The following DAP variants were observed in gnomAD, a reference collection of about 807,000 sequenced individuals.
DAP encodes the protein death-associated protein 1.
DAP carries 8 observed loss-of-function variants against 13.8 expected under a neutral mutation model. That is an observed-to-expected ratio of 0.58 (90% CI 0.34 to 1.05). The LOEUF (loss-of-function observed/expected upper bound fraction) is 1.05. DAP is among the 50% of genes least tolerant of loss of function. The pLI is 0.03. For synonymous variants in DAP, 47 were observed against 47.5 expected, an observed-to-expected ratio of 0.99 and a Z score of 0.04; for missense variants, 106 against 133.2, an observed-to-expected ratio of 0.80 and a Z score of 1.01.
At chr5:10,754,077 T>A (rs1177152558) in intron 1 of DAP, among the ~76,000 whole-genome samples, 3 of 152,138 alleles carry the variant, frequency 2.0e-5, no homozygotes, top group Non-Finnish European at 4.4e-5. Flanking sequence ...CTATCTTAGT[T>A]AAGAAAAATG....
chr5:10,725,596 G>C (rs574003805), intron 2 of DAP, among the ~76,000 whole-genome samples: 1 of 152,346 alleles, frequency 6.6e-6, no homozygotes, highest in South Asian at 2.1e-4. Flanking sequence ...AAACTCCTCT[G>C]TCTTAAATGA....
Position 10,680,811 on chromosome 5 carries a change from T to C in DAP, c.*245A>G. The C allele has an allele frequency of 6.5e-7, 1 of 1,536,858 alleles. No homozygotes were observed. The highest frequency in any genetic ancestry group is 8.7e-7 in the Non-Finnish European group (1 of 1,147,034). On this transcript the variant is annotated 3_prime_UTR_variant, in exon 4 of 4. Coordinates refer to ENST00000230895, the MANE Select transcript of DAP (RefSeq NM_004394.3). ...TTTCTCGGATCTTGGCAAATTCTGC[T>C]AATGGCACCTCTAGGGGCACAATGA...
intron 2 of DAP, among the ~76,000 whole-genome samples, chr5:10,739,884 C>T (rs1739714905): frequency 6.6e-6 from 1 of 151,906 alleles, no homozygotes; most frequent in Non-Finnish European, 1.5e-5. Flanking sequence ...TTTACTTCAG[C>T]TTCTAGTGTT....
chr5:10,748,362 T>C (rs367934008), intron 1 of DAP, 91 bp from the exon 2 acceptor site: 2 of 945,376 alleles, frequency 2.1e-6, no homozygotes, highest in Non-Finnish European at 1.7e-6. Context: ...GGTTGCTCAG[T>C]GGCCACAAGT....
chr5:10,697,106 C>T (rs900679367), intron 2 of DAP, among the ~76,000 whole-genome samples: 2 of 152,150 alleles, frequency 1.3e-5, no homozygotes, highest in Non-Finnish European at 2.9e-5. Context: ...GGGGGAAGCC[C>T]GCCTAGGCTT....
At chr5:10,746,335 T>TG (rs1312723559) in intron 2 of DAP, among the ~76,000 whole-genome samples, 1 of 149,890 alleles carries the variant, frequency 6.7e-6, no homozygotes, top group Non-Finnish European at 1.5e-5. Flanking sequence ...TTTTTTTTGT[T>TG]TTTTTTTTTT....
At chr5:10,710,576 T>G in intron 2 of DAP, among the ~76,000 whole-genome samples, 1 of 152,096 alleles carries the variant, frequency 6.6e-6, no homozygotes, top group African/African-American at 2.4e-5. Flanking sequence ...ATGATGGGTG[T>G]GCTCTGGAGG....
At chr5:10,756,853 C>G (rs1295917937) in intron 1 of DAP, among the ~76,000 whole-genome samples, 1 of 152,204 alleles carries the variant, frequency 6.6e-6, no homozygotes, top group Non-Finnish European at 1.5e-5. Flanking sequence ...TTAGATGAAA[C>G]AGAAAGAATC....
At chr5:10,752,689 T>C (rs937544355) in intron 1 of DAP, among the ~76,000 whole-genome samples, 2 of 152,208 alleles carry the variant, frequency 1.3e-5, no homozygotes, top group Non-Finnish European at 2.9e-5. Context: ...TGCACATGTG[T>C]GCATACGTAT....
At chr5:10,696,007 G>A (rs1738430154) in intron 2 of DAP, among the ~76,000 whole-genome samples, 1 of 152,056 alleles carries the variant, frequency 6.6e-6, no homozygotes. Context: ...TTAAACAGGA[G>A]GGAACCTTCA....
chr5:10,719,750 C>T (rs1026104703), intron 2 of DAP, among the ~76,000 whole-genome samples: 2 of 152,090 alleles, frequency 1.3e-5, no homozygotes, highest in African/African-American at 4.8e-5. Flanking sequence ...GGCTCAAATG[C>T]CCATGGTCTC....
In DAP at chr5:10,724,628, TA is replaced by T. The variant is rs1333892484; in HGVS notation, c.152+23546del. On this transcript the variant is annotated intron_variant, in intron 2 of 3. Coordinates refer to ENST00000230895, the MANE Select transcript of DAP (RefSeq NM_004394.3). ...CTGGCTCTTGTGGACTATGTGTACCTAAATTGCTTAAGAGTCATAAATGTGG... is the reference window on the plus strand; with the variant it reads ...CTGGCTCTTGTGGACTATGTGTACCTAATTGCTTAAGAGTCATAAATGTGG... Among the ~76,000 whole-genome samples, 8 of 152,220 alleles carry T rather than the reference TA, an allele frequency of 5.3e-5. No homozygotes were observed. The South Asian group carries it at 1.7e-3, about 31-fold the overall frequency.
intron 2 of DAP, among the ~76,000 whole-genome samples, chr5:10,730,388 C>A (rs1227481379): frequency 2.0e-5 from 3 of 152,206 alleles, no homozygotes; most frequent in Non-Finnish European, 4.4e-5. Flanking sequence ...AAATCTACTA[C>A]AAGAGTGGGG....
At chr5:10,753,700 T>A (rs561667418) in intron 1 of DAP, among the ~76,000 whole-genome samples, 1 of 152,120 alleles carries the variant, frequency 6.6e-6, no homozygotes, top group South Asian at 2.1e-4. Context: ...ACTGGAAGAG[T>A]TCCATGAACC....
intron 2 of DAP, among the ~76,000 whole-genome samples, chr5:10,728,643 A>G (rs1249314092): frequency 6.6e-6 from 1 of 152,256 alleles, no homozygotes; most frequent in Non-Finnish European, 1.5e-5. Flanking sequence ...AGATACAATC[A>G]CCAAACTCCT....
Position 10,748,882 on chromosome 5 carries a change from G to A in DAP, c.56-611C>T, listed in dbSNP as rs184536392. Among the ~76,000 whole-genome samples, 14 of 152,250 alleles carry A rather than the reference G, an allele frequency of 9.2e-5. No homozygotes were observed. The East Asian group carries it at 2.1e-3, about 23-fold the overall frequency. ...TTCATTCATTTAAACTGTATAATTCGATGGTTTTGAGTGCATTCAGAATTG... is the reference window on the plus strand; with the variant it reads ...TTCATTCATTTAAACTGTATAATTCAATGGTTTTGAGTGCATTCAGAATTG... On this transcript the variant is annotated intron_variant, in intron 1 of 3. Transcript: ENST00000230895.
intron 1 of DAP, among the ~76,000 whole-genome samples, chr5:10,759,265 C>A (rs1340972553): frequency 1.3e-5 from 2 of 152,184 alleles, no homozygotes; most frequent in African/African-American, 4.8e-5. Flanking sequence ...ATCATTCCAA[C>A]AGATACGCTT....
At chr5:10,712,985 C>T (rs897542289) in intron 2 of DAP, among the ~76,000 whole-genome samples, 1 of 152,190 alleles carries the variant, frequency 6.6e-6, no homozygotes, top group African/African-American at 2.4e-5. Flanking sequence ...GTGCAGGCCT[C>T]CATACGACAC....
chr5:10,742,293 G>C (rs1739778544), intron 2 of DAP, among the ~76,000 whole-genome samples: 1 of 152,122 alleles, frequency 6.6e-6, no homozygotes, highest in Admixed American at 6.5e-5. Context: ...CCAGCACTTT[G>C]GCAGGCTAAG....
Sources: gnomAD v4.1 joint callset for allele counts (sites outside exome capture counted in the v4.1 genomes callset) on GRCh38, gnomAD v4.1.1 for gene constraint, MANE v1.5 for transcripts, NCBI Gene and HGNC (gene_info 2026-07-23, HGNC 2026-07-21) for gene names.